Variants in NUMA1 observed in about 807,000 individuals in gnomAD.
The protein encoded by NUMA1 is SP-H antigen.
Under a neutral mutation model 237.1 loss-of-function variants are expected in NUMA1, and 62 were observed. The ratio of observed to expected loss-of-function variants is 0.26; its 90% CI spans 0.21 to 0.32. The LOEUF is 0.32. Among genes scored for constraint, NUMA1 ranks in the 10% least tolerant of loss-of-function variants. The pLI, the probability that NUMA1 is intolerant of heterozygous loss-of-function variation, is 1.00. For synonymous variants in NUMA1, 1,028 were observed against 1,066.1 expected (o/e 0.96, Z 0.70); for missense variants, 2,533 against 2,666.5 (o/e 0.95, Z 1.10).
Position 72,040,079 on chromosome 11 carries a change from T to C in NUMA1, c.-32-4104A>G, listed in dbSNP as rs1195750443. ...ACGCCATACAGAGAAAAACAATCTT[T>C]CTCAATTCCTGGGGAGTCCTGGGTA... On this transcript the variant is annotated intron_variant, in intron 2 of 26. Coordinates refer to ENST00000393695, the MANE Select transcript of NUMA1 (RefSeq NM_006185.4). 2.0e-5 allele frequency among the ~76,000 whole-genome samples: 3 copies of C among 152,162 alleles called. No homozygotes were observed. The East Asian group carries it at 5.8e-4, about 29-fold the overall frequency.
chr11:72,075,726 T>C lies in NUMA1; in HGVS notation c.-103+4732A>G, dbSNP rs778481002. ...CAAGGGTTTAAATCAATCTCCTTTA[T>C]GGAGTTCACTCTATTGTGTGGTTTC... On this transcript the variant is annotated intron_variant, in intron 1 of 26. Transcript: ENST00000393695. Among the ~76,000 whole-genome samples, 53 of 152,240 alleles carry C rather than the reference T, an allele frequency of 3.5e-4. 1 individual carries two copies. Among genetic ancestry groups the C allele is most frequent in the Non-Finnish European group, 1.6e-4 (11 of 68,040 alleles).
At chr11:72,080,099 T>G (rs1285989264) in intron 1 of NUMA1, among the ~76,000 whole-genome samples, 7 of 152,174 alleles carry the variant, frequency 4.6e-5, no homozygotes, top group African/African-American at 1.7e-4. Context: ...TGCTGACTAC[T>G]GCACTACCAT....
intron 2 of NUMA1, among the ~76,000 whole-genome samples, chr11:72,048,197 T>G (rs1942111868): frequency 6.6e-6 from 1 of 151,990 alleles, no homozygotes; most frequent in South Asian, 2.1e-4. Context: ...CCCGGGTTCA[T>G]GTGATTCTTG....
chr11:72,030,682 T>C (rs926914976), intron 3 of NUMA1, among the ~76,000 whole-genome samples: 7 of 152,222 alleles, frequency 4.6e-5, no homozygotes, highest in Admixed American at 1.3e-4. Context: ...TATTCACATA[T>C]TCAACACTAA....
At chr11:72,012,846 C>T (rs762595955) in intron 15 of NUMA1, 49 bp downstream of exon 15, 22 of 1,586,272 alleles carry the variant, frequency 1.4e-5, no homozygotes, top group South Asian at 8.2e-5. Flanking sequence ...GATGTCCCCG[C>T]GCTCTCAGCT....
intron 2 of NUMA1, among the ~76,000 whole-genome samples, chr11:72,054,163 G>T (rs999523147): frequency 6.6e-6 from 1 of 152,016 alleles, no homozygotes; most frequent in Non-Finnish European, 1.5e-5. Flanking sequence ...GTGCCAAAAA[G>T]CAAGATAAGA....
In NUMA1 at chr11:72,012,560, CAGTA is replaced by C. The variant is rs1018290140; in HGVS notation, c.4609-122_4609-119del. 13 of 1,012,684 alleles carry C rather than the reference CAGTA, an allele frequency of 1.3e-5. No individual in the cohort carries two copies. In the African/African-American group the frequency reaches 2.1e-4, roughly 16 times the overall value. The allele number at this position is 1,012,684 out of a possible 1,614,324, so 62.7% of individuals were successfully genotyped here. A position where few individuals can be genotyped will look rare whatever the true frequency, so the allele number is the denominator to read the frequency against. Reference sequence around the variant, plus strand: ...ACTTTCCCCTAAGGAGCTAGATTGACAGTAAGTTTAAAAATGCCAGTTAGGCTGA... The same window carrying C: ...ACTTTCCCCTAAGGAGCTAGATTGACAGTTTAAAAATGCCAGTTAGGCTGA... On this transcript the variant is annotated intron_variant, in intron 15 of 26. Coordinates refer to ENST00000393695, the MANE Select transcript of NUMA1 (RefSeq NM_006185.4).
At chr11:72,034,611 A>G (rs200509644) in intron 3 of NUMA1, among the ~76,000 whole-genome samples, 1 of 151,776 alleles carries the variant, frequency 6.6e-6, no homozygotes, top group African/African-American at 2.4e-5. Context: ...GGGAGGCTGA[A>G]GCAGGAGAAT....
chr11:72,004,420 T>C (rs1426298610), intron 24 of NUMA1, 79 bp from the exon 25 acceptor site: 1 of 1,361,652 alleles, frequency 7.3e-7, no homozygotes, highest in South Asian at 1.2e-5. Flanking sequence ...CTCTCAGAGC[T>C]GAGTGGACCT....
chr11:72,023,197 C>G (rs765127627), intron 5 of NUMA1, 50 bp from the exon 6 acceptor site: 2 of 1,336,834 alleles, frequency 1.5e-6, no homozygotes, highest in Non-Finnish European at 1.1e-6. Context: ...GGAAACCATA[C>G]CTGAGATCCC....
chr11:72,042,586 G>A (rs1362612179), intron 2 of NUMA1, among the ~76,000 whole-genome samples: 2 of 152,184 alleles, frequency 1.3e-5, no homozygotes, highest in Non-Finnish European at 1.5e-5. Flanking sequence ...AGGCATGGAA[G>A]CAGTGGGAGA....
At chr11:72,064,696 G>A (rs1044545140) in intron 2 of NUMA1, among the ~76,000 whole-genome samples, 5 of 152,036 alleles carry the variant, frequency 3.3e-5, no homozygotes, top group Admixed American at 6.5e-5. Flanking sequence ...AGCCGGGCAT[G>A]GTGGCATGCA....
chr11:72,011,285 A>G (rs546385498), intron 16 of NUMA1, among the ~76,000 whole-genome samples: 2 of 152,332 alleles, frequency 1.3e-5, no homozygotes, highest in East Asian at 1.9e-4. Context: ...GAAACTGCCA[A>G]AGCCCAAGCC....
intron 1 of NUMA1, among the ~76,000 whole-genome samples, chr11:72,075,342 CTTCCTCCT>C (rs1332862364): frequency 6.6e-6 from 1 of 152,206 alleles, no homozygotes; most frequent in Non-Finnish European, 1.5e-5. Flanking sequence ...CTACAAGGGA[CTTCCTCCT>C]TCTTGTAGCC....
chr11:72,023,498 T>A (rs987458532), intron 5 of NUMA1, among the ~76,000 whole-genome samples: 1 of 152,140 alleles, frequency 6.6e-6, no homozygotes, highest in East Asian at 1.9e-4. Context: ...CCAACTGAGG[T>A]CACAGAGTAA....
At chr11:72,061,476 G>GTTTCTTTTCT (rs200653193) in intron 2 of NUMA1, among the ~76,000 whole-genome samples, 3 of 79,026 alleles carry the variant, frequency 3.8e-5, no homozygotes, top group African/African-American at 9.2e-5. Flanking sequence ...CGTCTTCCTT[G>GTTTCTTTTCT]TTTCTTTTCT....
intron 17 of NUMA1, among the ~76,000 whole-genome samples, chr11:72,009,946 C>T (rs951712080): frequency 6.6e-6 from 1 of 152,260 alleles, no homozygotes; most frequent in Non-Finnish European, 1.5e-5. Flanking sequence ...GATGCCCACA[C>T]TGCCTCCTGT....
In NUMA1 at chr11:72,024,733, C is replaced by T. The variant is rs1939338322; in HGVS notation, c.129-380G>A. ...CTGTCAGGAAGCCTGGAGAACACACCTAGGTTAAGAGTGAGAGAAGACCAT... is the reference window on the plus strand; with the variant it reads ...CTGTCAGGAAGCCTGGAGAACACACTTAGGTTAAGAGTGAGAGAAGACCAT... On this transcript the variant is annotated intron_variant, in intron 4 of 26. Transcript: ENST00000393695. The T allele has an allele frequency of 1.5e-5, 3 of 203,762 alleles. No individual in the cohort carries two copies. In the East Asian group the frequency reaches 4.2e-4, roughly 28 times the overall value. 12.6% of individuals were successfully genotyped at this position (203,762 alleles called of 1,614,324 possible).
chr11:72,014,369 A>G lies in NUMA1; in HGVS notation c.3134T>C (p.Phe1045Ser). 1 of 1,613,136 alleles carries G rather than the reference A, an allele frequency of 6.2e-7. No homozygotes were observed. The highest frequency in any genetic ancestry group is 2.2e-5 in the East Asian group (1 of 44,880). ...AGCCAGTGCCTCTTGCAGGGTAGCG[A>G]ACTCCACACGCTGCTCGTTGAGGGC... The part of the protein sequence containing the change: ...QNALNEQRVE[F>S]ATLQEALAHA... Residue 1045 changes from phenylalanine to serine, a missense_variant, in exon 15 of 27, where the codon TTC becomes TCC. By Grantham distance (155) the Phe-to-Ser change is radical. Transcript: ENST00000393695. The surrounding 1 kb of genome is among the most constrained non-coding windows in gnomAD (Gnocchi z 4.6).
Sources: allele counts gnomAD v4.1 joint callset (sites outside exome capture counted in the v4.1 genomes callset), GRCh38; gene constraint gnomAD v4.1.1; non-coding constraint Gnocchi (gnomAD v3.1); transcripts MANE v1.5; gene names NCBI Gene and HGNC (gene_info 2026-07-23, HGNC 2026-07-21).